MAGI2: variants seen among roughly 807,000 people sequenced by gnomAD.
MAGI2 encodes membrane associated guanylate kinase, WW and PDZ domain containing 2.
In MAGI2, 35 loss-of-function variants were observed where a neutral mutation model predicts 133.3. The observed-to-expected ratio is 0.26, with a 90% CI of 0.20 to 0.35. MAGI2 has a LOEUF of 0.35. Among genes scored for constraint, MAGI2 ranks in the 10% least tolerant of loss-of-function variants. The pLI, the probability that MAGI2 is intolerant of heterozygous loss-of-function variation, is 1.00. For missense variants in MAGI2, 1,636 were observed against 1,863.4 expected (o/e 0.88, Z 2.25); for synonymous variants, 729 against 710.6 (o/e 1.03, Z -0.41).
intron 2 of MAGI2, among the ~76,000 whole-genome samples, chr7:78,984,599 T>C (rs1345087712): frequency 6.6e-6 from 1 of 151,958 alleles, no homozygotes; most frequent in Non-Finnish European, 1.5e-5. Flanking sequence ...TCACAGCTTT[T>C]GTTGTCTTCC....
intron 3 of MAGI2, among the ~76,000 whole-genome samples, chr7:78,546,537 C>T (rs10280685): frequency 0.17 from 26,168 of 152,128 alleles, 3,742 homozygotes; most frequent in African/African-American, 0.39. Context: ...TTAATCTAAT[C>T]GTGGCCTTTC....
chr7:78,523,749 T>G, intron 3 of MAGI2, among the ~76,000 whole-genome samples: 1 of 152,090 alleles, frequency 6.6e-6, no homozygotes, highest in East Asian at 1.9e-4. Flanking sequence ...TGGGGGAAAC[T>G]GCCCCCATGA....
intron 3 of MAGI2, among the ~76,000 whole-genome samples, chr7:78,605,068 G>A (rs984816143): frequency 1.3e-5 from 2 of 152,216 alleles, no homozygotes; most frequent in African/African-American, 4.8e-5. Context: ...GGCAGTGGAA[G>A]AGAAATAAGA....
intron 6 of MAGI2, among the ~76,000 whole-genome samples, chr7:78,430,091 T>A (rs189992640): frequency 6.6e-6 from 1 of 152,258 alleles, no homozygotes; most frequent in Non-Finnish European, 1.5e-5. Flanking sequence ...AAAATGCAAA[T>A]GCAGATTCCA....
At chr7:78,963,609 T>C (rs955152528) in intron 2 of MAGI2, among the ~76,000 whole-genome samples, 1 of 151,956 alleles carries the variant, frequency 6.6e-6, no homozygotes, top group African/African-American at 2.4e-5. Flanking sequence ...AAAGGGAAGC[T>C]GGCATGTGAA....
intron 21 of MAGI2, among the ~76,000 whole-genome samples, chr7:78,043,950 T>C (rs531325698): frequency 6.6e-6 from 1 of 152,318 alleles, no homozygotes; most frequent in South Asian, 2.1e-4. Context: ...AATTAATGGA[T>C]TGGGCCAGTT....
At chr7:78,607,054 C>T (rs1490829170) in intron 3 of MAGI2, among the ~76,000 whole-genome samples, 3 of 152,142 alleles carry the variant, frequency 2.0e-5, no homozygotes, top group Admixed American at 6.6e-5. Flanking sequence ...GCTTTTTAAA[C>T]GTAACTGTTA....
intron 2 of MAGI2, among the ~76,000 whole-genome samples, chr7:79,002,984 T>C (rs1807046321): frequency 6.6e-6 from 1 of 150,742 alleles, no homozygotes; most frequent in African/African-American, 2.4e-5. Flanking sequence ...CTAAATACAG[T>C]CAGTCCTTGT....
At chr7:78,492,790 T>G (rs997404922) in intron 5 of MAGI2, among the ~76,000 whole-genome samples, 6 of 152,168 alleles carry the variant, frequency 3.9e-5, no homozygotes, top group Admixed American at 3.3e-4. Context: ...TGCTATATAA[T>G]TTTCTATTTC....
At chr7:78,185,998 T>A (rs1184287985) in intron 12 of MAGI2, among the ~76,000 whole-genome samples, 1 of 152,174 alleles carries the variant, frequency 6.6e-6, no homozygotes, top group Admixed American at 6.5e-5. Flanking sequence ...AAAGTCAATC[T>A]AGAACCTGAA....
intron 6 of MAGI2, among the ~76,000 whole-genome samples, chr7:78,380,003 A>G (rs1360824709): frequency 6.6e-6 from 1 of 152,022 alleles, no homozygotes; most frequent in Non-Finnish European, 1.5e-5. Flanking sequence ...AAAATATTAA[A>G]TAAAAAATCT....
intron 1 of MAGI2, among the ~76,000 whole-genome samples, chr7:79,438,305 T>C (rs1033487075): frequency 1.3e-4 from 20 of 151,946 alleles, no homozygotes; most frequent in Non-Finnish European, 2.8e-4. Flanking sequence ...AACAAGAAAA[T>C]CTCCTAAAAA....
chr7:79,339,205 T>C (rs1405975453), intron 1 of MAGI2, among the ~76,000 whole-genome samples: 3 of 152,288 alleles, frequency 2.0e-5, no homozygotes, highest in Admixed American at 1.3e-4. Context: ...ATTTTAAAAT[T>C]CAGTATTGCC....
chr7:78,673,140 T>A (rs895182583), intron 2 of MAGI2, among the ~76,000 whole-genome samples: 5 of 152,190 alleles, frequency 3.3e-5, no homozygotes, highest in African/African-American at 1.2e-4. Flanking sequence ...ATGTTTCTTA[T>A]TTCATTCCTT....
intron 3 of MAGI2, among the ~76,000 whole-genome samples, chr7:78,548,813 A>C (rs1010850918): frequency 6.6e-6 from 1 of 152,248 alleles, no homozygotes; most frequent in Non-Finnish European, 1.5e-5. Context: ...AATAGAAAAC[A>C]GTGGGACAAT....
At chr7:79,451,334 C>G (rs748109042) in intron 1 of MAGI2, among the ~76,000 whole-genome samples, 3 of 152,214 alleles carry the variant, frequency 2.0e-5, no homozygotes, top group Admixed American at 6.5e-5. Flanking sequence ...GTGTAGTAGA[C>G]TTTTCGTACC....
rs1338357506 is a variant in MAGI2 at position 78,148,327 on chromosome 7, G to A, written c.2845+11698C>T. Among the ~76,000 whole-genome samples, 3 of 152,130 alleles carry A rather than the reference G, an allele frequency of 2.0e-5. No individual in the cohort carries two copies. The East Asian group carries it at 5.8e-4, about 29-fold the overall frequency. On this transcript the variant is annotated intron_variant, in intron 16 of 21. Transcript: ENST00000354212. ...GCTGTATCATTCCATTTATATAGGAGAGGCAAAACTTTAGAACAAAACAAA... is the reference window on the plus strand; with the variant it reads ...GCTGTATCATTCCATTTATATAGGAAAGGCAAAACTTTAGAACAAAACAAA...
chr7:78,744,388 A>G (rs1454544538), intron 2 of MAGI2, among the ~76,000 whole-genome samples: 1 of 151,988 alleles, frequency 6.6e-6, no homozygotes, highest in African/African-American at 2.4e-5. Flanking sequence ...TTTTACTGGC[A>G]TTTTCCAGGA....
At chr7:79,390,547 G>A (rs1198194616) in intron 1 of MAGI2, among the ~76,000 whole-genome samples, 1 of 152,130 alleles carries the variant, frequency 6.6e-6, no homozygotes, top group Non-Finnish European at 1.5e-5. Context: ...TGAGATGCTG[G>A]AGGAGGGTGC....
Sources: gnomAD v4.1 joint callset for allele counts (sites outside exome capture counted in the v4.1 genomes callset) on GRCh38, gnomAD v4.1.1 for gene constraint, MANE v1.5 for transcripts, NCBI Gene and HGNC (gene_info 2026-07-23, HGNC 2026-07-21) for gene names.